PRKN: variants seen among roughly 807,000 people sequenced by gnomAD.
PRKN encodes the protein parkin RBR E3 ubiquitin protein ligase.
Under a neutral mutation model 59.5 loss-of-function variants are expected in PRKN, and 56 were observed. The ratio of observed to expected loss-of-function variants is 0.94; its 90% CI spans 0.76 to 1.18. PRKN has a LOEUF of 1.18. Among genes scored for constraint, PRKN ranks in the 50% most tolerant of loss-of-function variants. The pLI is 0.00. For synonymous variants in PRKN, 250 were observed against 222.1 expected, an observed-to-expected ratio of 1.13 and a Z score of -1.12; for missense variants, 657 against 596.4, an observed-to-expected ratio of 1.10 and a Z score of -1.06.
chr6:162,335,826 A>T (rs181071067), intron 2 of PRKN, among the ~76,000 whole-genome samples: 7 of 151,996 alleles, frequency 4.6e-5, no homozygotes, highest in Admixed American at 3.3e-4. Flanking sequence ...GTCCATGCCG[A>T]GTGAAGCGAG....
chr6:162,275,745 A>G (rs540379769), intron 2 of PRKN, among the ~76,000 whole-genome samples: 5 of 152,004 alleles, frequency 3.3e-5, no homozygotes, highest in Admixed American at 1.3e-4. Context: ...AGACCACACA[A>G]TCGCACTCCT....
At chr6:162,453,628 C>T (rs533887119) in intron 1 of PRKN, among the ~76,000 whole-genome samples, 3 of 152,262 alleles carry the variant, frequency 2.0e-5, no homozygotes, top group Admixed American at 2.0e-4. Flanking sequence ...TCTGGCCAGA[C>T]ACGGTGGCTC....
intron 4 of PRKN, among the ~76,000 whole-genome samples, chr6:162,063,236 T>C (rs1033042244): frequency 3.3e-5 from 5 of 152,148 alleles, no homozygotes; most frequent in Admixed American, 1.3e-4. Context: ...TCTCAGAGCT[T>C]ATAAAGAGCT....
At chr6:162,619,674 C>G (rs1405235295) in intron 1 of PRKN, among the ~76,000 whole-genome samples, 1 of 149,606 alleles carries the variant, frequency 6.7e-6, no homozygotes, top group Non-Finnish European at 1.5e-5. Context: ...AGTAATAATA[C>G]AGAAGTGTTG....
At chr6:162,101,030 T>C (rs551563487) in intron 4 of PRKN, among the ~76,000 whole-genome samples, 1 of 152,262 alleles carries the variant, frequency 6.6e-6, no homozygotes, top group Admixed American at 6.5e-5. Flanking sequence ...ATTTCATAGG[T>C]TGTCTCTTCA....
chr6:162,633,124 CA>C (rs1777573109), intron 1 of PRKN, among the ~76,000 whole-genome samples: 1 of 151,708 alleles, frequency 6.6e-6, no homozygotes, highest in African/African-American at 2.4e-5. Flanking sequence ...ATAAAATCAC[CA>C]GGCTAAACCT....
intron 7 of PRKN, among the ~76,000 whole-genome samples, chr6:161,733,905 TTTCTC>T (rs1583072862): frequency 1.3e-5 from 2 of 149,642 alleles, no homozygotes; most frequent in African/African-American, 2.5e-5. Context: ...ACTTTCATCT[TTTCTC>T]TTCTAATAAA....
chr6:162,289,698 A>G (rs535588376), intron 2 of PRKN, among the ~76,000 whole-genome samples: 2 of 151,836 alleles, frequency 1.3e-5, no homozygotes, highest in Non-Finnish European at 2.9e-5. Flanking sequence ...AAAAAAAAAA[A>G]AAGATTTTTT....
chr6:162,558,239 T>C (rs1779690428), intron 1 of PRKN, among the ~76,000 whole-genome samples: 1 of 152,206 alleles, frequency 6.6e-6, no homozygotes, highest in African/African-American at 2.4e-5. Context: ...GCATTCATGT[T>C]ATAGCCTTCA....
intron 4 of PRKN, among the ~76,000 whole-genome samples, chr6:162,171,801 A>G (rs73592382): frequency 0.019 from 2,887 of 152,224 alleles, 89 homozygotes; most frequent in East Asian, 0.11. Context: ...GCCTATGTGT[A>G]TACTTGCTTA....
In PRKN at chr6:161,463,004, T is replaced by C. The variant is rs1408887677; in HGVS notation, c.1084-76127A>G. 6.6e-6 allele frequency among the ~76,000 whole-genome samples: 1 copy of C among 152,202 alleles called. No individual in the cohort carries two copies. On this transcript the variant is annotated intron_variant, in intron 9 of 11. Coordinates refer to ENST00000366898, the MANE Select transcript of PRKN (RefSeq NM_004562.3). This position sits in a 1 kb window ranked among gnomAD's most constrained non-coding sequence, Gnocchi z 4.8. ...CTATGTATAGTAGACTGCAATGTAC[T>C]GGAAGCAACAGGAAAGTCAGAGAGA...
At chr6:162,556,368 T>TGTGCGTGTGC (rs1225518749) in intron 1 of PRKN, among the ~76,000 whole-genome samples, 25 of 98,126 alleles carry the variant, frequency 2.5e-4, no homozygotes, top group African/African-American at 7.0e-4. Flanking sequence ...TGTGTGTGTG[T>TGTGCGTGTGC]GTGTGTGTGT....
At chr6:161,713,168 A>G (rs1192893598) in intron 7 of PRKN, among the ~76,000 whole-genome samples, 3 of 152,164 alleles carry the variant, frequency 2.0e-5, no homozygotes, top group African/African-American at 7.2e-5. Flanking sequence ...GTTTATTCTA[A>G]GGCATTATAA....
At chr6:162,555,981 C>CAAAAAAAAAAAAAAAAAA (rs772336975) in intron 1 of PRKN, among the ~76,000 whole-genome samples, 10 of 90,362 alleles carry the variant, frequency 1.1e-4, no homozygotes, top group Non-Finnish European at 1.7e-4. Context: ...AACTCCATCT[C>CAAAAAAAAAAAAAAAAAA]AAAAAAAAAA....
intron 6 of PRKN, among the ~76,000 whole-genome samples, chr6:161,888,456 G>GCCAT (rs1431157989): frequency 2.0e-5 from 3 of 152,094 alleles, no homozygotes; most frequent in Non-Finnish European, 2.9e-5. Context: ...ATACGGTCTT[G>GCCAT]CCATCCTCTC....
rs376314071 is a variant in PRKN at position 162,067,287 on chromosome 6, T to C, written c.535-13113A>G. Among the ~76,000 whole-genome samples, 6 of 152,192 alleles carry C rather than the reference T, an allele frequency of 3.9e-5. No individual in the cohort carries two copies. In the East Asian group the frequency reaches 1.2e-3, roughly 29 times the overall value. ...AATTTTTAAGATATTCACTGTCAAA[T>C]CCAATGGTCATTATTATTACAATTA... On this transcript the variant is annotated intron_variant, in intron 4 of 11. Coordinates refer to ENST00000366898, the MANE Select transcript of PRKN (RefSeq NM_004562.3).
At chr6:162,558,327 CTTT>C (rs71278562) in intron 1 of PRKN, among the ~76,000 whole-genome samples, 13 of 132,720 alleles carry the variant, frequency 9.8e-5, no homozygotes, top group Non-Finnish European at 1.6e-4. Flanking sequence ...TTAATTTTCC[CTTT>C]TTTTTTTTTT....
At chr6:161,902,971 AG>A (rs1167081166) in intron 6 of PRKN, among the ~76,000 whole-genome samples, 1 of 152,212 alleles carries the variant, frequency 6.6e-6, no homozygotes, top group East Asian at 1.9e-4. Context: ...AAGATGGGCA[AG>A]ACGGTGCACT....
Position 161,560,971 on chromosome 6 carries a change from C to T in PRKN, c.933+8384G>A, listed in dbSNP as rs1780434715. 6.6e-6 allele frequency among the ~76,000 whole-genome samples: 1 copy of T among 152,184 alleles called. No individual in the cohort carries two copies. The highest frequency in any genetic ancestry group is 3.2e-3 in the Middle Eastern group (1 of 316). ...GCCTGGAAAACATCACCTCCACCTT[C>T]CCTGGGCGTGTAGCCCTGCAGCTGG... On this transcript the variant is annotated intron_variant, in intron 8 of 11. Coordinates refer to ENST00000366898, the MANE Select transcript of PRKN (RefSeq NM_004562.3). This position sits in a 1 kb window ranked among gnomAD's most constrained non-coding sequence, Gnocchi z 4.9.
Sources: gnomAD v4.1 joint callset for allele counts (sites outside exome capture counted in the v4.1 genomes callset) on GRCh38, gnomAD v4.1.1 for gene constraint, Gnocchi (gnomAD v3.1) non-coding constraint, MANE v1.5 for transcripts, NCBI Gene and HGNC (gene_info 2026-07-23, HGNC 2026-07-21) for gene names.